Variants in WDR64 observed in about 807,000 individuals in gnomAD.
WDR64 encodes WD repeat domain 64.
In WDR64, 112 loss-of-function variants were observed where a neutral mutation model predicts 139.3. That is an observed-to-expected ratio of 0.80 (90% CI 0.69 to 0.94). The LOEUF (loss-of-function observed/expected upper bound fraction) is 0.94. Ranked by LOEUF, WDR64 falls within the 40% of genes least tolerant of loss-of-function variation. WDR64 has a pLI of 0.00. For missense variants in WDR64, 1,206 were observed against 1,293.1 expected, an observed-to-expected ratio of 0.93 and a Z score of 1.03; for synonymous variants, 444 against 437.7, an observed-to-expected ratio of 1.01 and a Z score of -0.18.
At chr1:241,748,486 TTTTC>T (rs780556701) in intron 13 of WDR64, among the ~76,000 whole-genome samples, 60 of 152,286 alleles carry the variant, frequency 3.9e-4, no homozygotes, top group Non-Finnish European at 7.9e-4. Context: ...TGTTACTTAC[TTTTC>T]TTTTTTTGTC....
chr1:241,707,973 C>G (rs1668017813), intron 8 of WDR64, among the ~76,000 whole-genome samples: 1 of 152,194 alleles, frequency 6.6e-6, no homozygotes, highest in Non-Finnish European at 1.5e-5. Flanking sequence ...CCAGTCGGCC[C>G]TGTCCTGCTC....
chr1:241,694,463 C>A (rs1002730268), intron 8 of WDR64, among the ~76,000 whole-genome samples: 79 of 152,132 alleles, frequency 5.2e-4, no homozygotes, highest in Admixed American at 5.0e-3. Context: ...TAATTAATTG[C>A]ATAGTTTCAT....
rs758974641 is a variant in WDR64 at position 241,783,252 on chromosome 1, G to A, written c.2596-20G>A. 14 of 1,594,772 alleles carry A rather than the reference G, an allele frequency of 8.8e-6. No homozygotes were observed. Among genetic ancestry groups the A allele is most frequent in the Non-Finnish European group, 1.2e-5 (14 of 1,163,422 alleles). On this transcript the variant is annotated intron_variant, in intron 22 of 27. Coordinates refer to ENST00000437684, the MANE Select transcript of WDR64 (RefSeq NM_001367482.1). ...AGCATATAGTTATTCCGAGGAATATGCCTTGTTTTTGCTATCTAGAAATTC... is the reference window on the plus strand; with the variant it reads ...AGCATATAGTTATTCCGAGGAATATACCTTGTTTTTGCTATCTAGAAATTC...
intron 15 of WDR64, 40 bp from the exon 16 acceptor site, chr1:241,766,178 A>T (rs1658157151): frequency 6.3e-7 from 1 of 1,593,844 alleles, no homozygotes; most frequent in South Asian, 1.1e-5. Context: ...GCGAATCATG[A>T]ATACTATATT....
intron 21 of WDR64, 95 bp from the exon 22 acceptor site, chr1:241,779,909 C>A: frequency 4.9e-6 from 4 of 824,148 alleles, no homozygotes; most frequent in South Asian, 3.4e-5. Context: ...TTTTATTCAG[C>A]ATTATAAATA....
intron 27 of WDR64, among the ~76,000 whole-genome samples, 156 bp downstream of exon 27, chr1:241,796,526 C>T (rs572318900): frequency 1.5e-3 from 229 of 148,920 alleles, no homozygotes; most frequent in African/African-American, 5.4e-3. Context: ...GAGTTTCCCT[C>T]TTGTTGCCCA....
intron 7 of WDR64, 76 bp downstream of exon 7, chr1:241,683,777 G>A: frequency 8.6e-7 from 1 of 1,157,386 alleles, no homozygotes; most frequent in Non-Finnish European, 1.2e-6. Context: ...GGTACAAAGT[G>A]AAAAATGAGA....
At chr1:241,690,456 G>A (rs1212405993) in intron 8 of WDR64, among the ~76,000 whole-genome samples, 1 of 151,980 alleles carries the variant, frequency 6.6e-6, no homozygotes, top group Non-Finnish European at 1.5e-5. Flanking sequence ...GGGCGACAGA[G>A]GGAGACTCTG....
rs180978741 is a variant in WDR64 at position 241,782,813 on chromosome 1, A to G, written c.2596-459A>G. Among the ~76,000 whole-genome samples the G allele has an allele frequency of 3.9e-3, 597 of 152,284 alleles. 2 individuals are homozygous for G. Among genetic ancestry groups the G allele is most frequent in the Non-Finnish European group, 6.4e-3 (434 of 68,030 alleles). On this transcript the variant is annotated intron_variant, in intron 22 of 27. Transcript: ENST00000437684. ...CCCATACTCCCCCCAAAAGAACAAA[A>G]CAGCCAGTTCTATCTCTAGATAAAA...
chr1:241,797,030 C>T (rs1659388706), intron 27 of WDR64, among the ~76,000 whole-genome samples: 2 of 152,226 alleles, frequency 1.3e-5, no homozygotes, highest in Non-Finnish European at 2.9e-5. Context: ...TTTGGTTGTA[C>T]CTACAGAGTA....
chr1:241,778,078 T>G (rs1658725657), intron 21 of WDR64, among the ~76,000 whole-genome samples: 2 of 152,194 alleles, frequency 1.3e-5, no homozygotes, highest in Admixed American at 1.3e-4. Context: ...ATTTTCTGCC[T>G]GCTTGGTCTG....
At chr1:241,662,083 T>G (rs1324221954) in intron 2 of WDR64, among the ~76,000 whole-genome samples, 1 of 152,140 alleles carries the variant, frequency 6.6e-6, no homozygotes, top group Non-Finnish European at 1.5e-5. Context: ...CATCCTTGCT[T>G]TAAAAAGAAA....
rs139099769 is a variant in WDR64 at position 241,703,690 on chromosome 1, T to G, written c.975-8112T>G. 8.7e-3 allele frequency among the ~76,000 whole-genome samples: 1,321 copies of G among 152,282 alleles called. 22 individuals carry two copies. The highest frequency in any genetic ancestry group is 9.1e-3 in the Non-Finnish European group (616 of 68,030). The stretch of plus-strand genomic sequence containing the variant: ...CTATATTCAAAGAACCGTTGTGTAT[T>G]AATCCATTTTCACACTGCTATAAAG... On this transcript the variant is annotated intron_variant, in intron 8 of 27. Coordinates refer to ENST00000437684, the MANE Select transcript of WDR64 (RefSeq NM_001367482.1). This position sits in a 1 kb window ranked among gnomAD's most constrained non-coding sequence, Gnocchi z 5.9.
chr1:241,680,639 C>T (rs1666748248), intron 6 of WDR64, among the ~76,000 whole-genome samples: 1 of 152,190 alleles, frequency 6.6e-6, no homozygotes, highest in South Asian at 2.1e-4. Flanking sequence ...ATCATCTGAA[C>T]TGGTCAGCCT....
chr1:241,660,413 C>G, intron 1 of WDR64, 117 bp from the exon 2 acceptor site: 1 of 1,289,750 alleles, frequency 7.8e-7, no homozygotes, highest in South Asian at 1.5e-5. Flanking sequence ...GCAAATATAT[C>G]TGGTTTTTAT....
At chr1:241,798,590 G>A (rs1659433347) in intron 27 of WDR64, among the ~76,000 whole-genome samples, 1 of 152,174 alleles carries the variant, frequency 6.6e-6, no homozygotes, top group South Asian at 2.1e-4. Flanking sequence ...AACGACCTCA[G>A]AAATTCAGGG....
At chr1:241,712,488 A>C (rs1668212971) in intron 9 of WDR64, among the ~76,000 whole-genome samples, 1 of 152,196 alleles carries the variant, frequency 6.6e-6, no homozygotes, top group South Asian at 2.1e-4. Context: ...TTTGAGACTC[A>C]GACTCCTTAT....
intron 8 of WDR64, among the ~76,000 whole-genome samples, chr1:241,698,047 T>C (rs1041263304): frequency 1.3e-5 from 2 of 152,212 alleles, no homozygotes; most frequent in African/African-American, 4.8e-5. Flanking sequence ...AATACACTGA[T>C]ACCTATGTAC....
Position 241,749,560 on chromosome 1 carries a change from C to T in WDR64, c.1608C>T (p.Ile536=), listed in dbSNP as rs1239744013. The T allele has an allele frequency of 6.2e-7, 1 of 1,613,986 alleles. No individual in the cohort carries two copies. Among genetic ancestry groups the T allele is most frequent in the African/African-American group, 1.3e-5 (1 of 74,900 alleles). ...ATGAYNGTVR[I]WDFGSGQEMK... The stretch of plus-strand genomic sequence containing the variant: ...CTGTATGCTCAGGAACAGTCAGAAT[C>T]TGGGACTTTGGCAGTGGGCAGGAGA... Residue 536 remains isoleucine, a synonymous_variant, in exon 14 of 28, where the codon ATC becomes ATT. Coordinates refer to ENST00000437684, the MANE Select transcript of WDR64 (RefSeq NM_001367482.1).
Sources: gnomAD v4.1 joint callset for allele counts (sites outside exome capture counted in the v4.1 genomes callset) on GRCh38, gnomAD v4.1.1 for gene constraint, Gnocchi (gnomAD v3.1) non-coding constraint, MANE v1.5 for transcripts, NCBI Gene and HGNC (gene_info 2026-07-23, HGNC 2026-07-21) for gene names.